The following KIF9 variants were observed in gnomAD, a reference collection of about 807,000 sequenced individuals.
KIF9 encodes the protein kinesin-like protein KIF9.
Under a neutral mutation model 94.8 loss-of-function variants are expected in KIF9, and 68 were observed. The ratio of observed to expected loss-of-function variants is 0.72; its 90% CI spans 0.59 to 0.88. The LOEUF (loss-of-function observed/expected upper bound fraction) is 0.88, where lower values mean the gene tolerates loss of function less well. KIF9 is among the 40% of genes least tolerant of loss of function. KIF9 has a pLI of 0.00. For missense variants in KIF9, 882 were observed against 982.5 expected (o/e 0.90, Z 1.37); for synonymous variants, 343 against 362.1 (o/e 0.95, Z 0.60).
At chr3:47,233,011 A>G (rs1698721717) in intron 20 of KIF9, among the ~76,000 whole-genome samples, 2 of 150,792 alleles carry the variant, frequency 1.3e-5, no homozygotes, top group African/African-American at 2.4e-5. Flanking sequence ...AACCATAAGG[A>G]AAGTCAAAAG....
Position 47,247,354 on chromosome 3 carries a change from T to A in KIF9, c.1233+19A>T. The A allele has an allele frequency of 6.4e-7, 1 of 1,568,374 alleles. No homozygotes were observed. Among genetic ancestry groups the A allele is most frequent in the Admixed American group, 1.7e-5 (1 of 59,860 alleles). ...GGCCCAGGCTGGCTGAGCATAGTGG[T>A]CACAGAGGGGTTCCTTACGTCGATC... On this transcript the variant is annotated intron_variant, in intron 12 of 20. Coordinates refer to ENST00000684063, the MANE Select transcript of KIF9 (RefSeq NM_182902.4).
chr3:47,260,109 C>T (rs1297254369), intron 9 of KIF9, among the ~76,000 whole-genome samples: 7 of 128,904 alleles, frequency 5.4e-5, no homozygotes, highest in Admixed American at 2.6e-4. Flanking sequence ...AGGGAAAAAC[C>T]GCCTTAGGGC....
In KIF9 at chr3:47,241,885, T is replaced by TATA. The variant is rs1491319975; in HGVS notation, c.1710-871_1710-870insTAT. ...ATACACATATATATATATATATATA[T>TATA]TTTTTTTTTTTTTTCTTTGGAGACA... On this transcript the variant is annotated intron_variant, in intron 16 of 20. Coordinates refer to ENST00000684063, the MANE Select transcript of KIF9 (RefSeq NM_182902.4). Among the ~76,000 whole-genome samples, 123 of 13,142 alleles carry TATA rather than the reference T, an allele frequency of 9.4e-3. 2 individuals carry two copies. Among genetic ancestry groups the TATA allele is most frequent in the Middle Eastern group, 0.17 (1 of 6 alleles). 8.6% of individuals were successfully genotyped at this position (13,142 alleles called of 152,430 possible). A position where few individuals can be genotyped will look rare whatever the true frequency, so the allele number is the denominator to read the frequency against.
chr3:47,268,906 C>T (rs1701458818), intron 5 of KIF9, among the ~76,000 whole-genome samples: 1 of 151,978 alleles, frequency 6.6e-6, no homozygotes, highest in Non-Finnish European at 1.5e-5. Context: ...CTCTTCAGTC[C>T]CCCTTCTGAA....
chr3:47,266,428 G>A (rs953204814), intron 7 of KIF9, among the ~76,000 whole-genome samples: 4 of 152,172 alleles, frequency 2.6e-5, no homozygotes, highest in Non-Finnish European at 4.4e-5. Flanking sequence ...AGGATCGCTT[G>A]AGCCCAGGAG....
chr3:47,255,468 C>A (rs1282394212), intron 10 of KIF9, among the ~76,000 whole-genome samples: 11 of 152,100 alleles, frequency 7.2e-5, no homozygotes, highest in Admixed American at 2.6e-4. Context: ...ACACTTTAGC[C>A]CTTAGCTCTA....
chr3:47,239,509 T>A (rs1699309704), intron 17 of KIF9: 3 of 1,039,826 alleles, frequency 2.9e-6, no homozygotes, highest in Non-Finnish European at 3.5e-6. Context: ...TAGCATGTCA[T>A]AATTGGTCTG....
intron 20 of KIF9, among the ~76,000 whole-genome samples, chr3:47,230,503 C>A (rs1312579616): frequency 3.3e-5 from 5 of 152,062 alleles, no homozygotes; most frequent in African/African-American, 1.2e-4. Context: ...GAGGTCGAGG[C>A]GGGTGGATCA....
intron 7 of KIF9, 64 bp downstream of exon 7, chr3:47,266,912 G>A: frequency 8.7e-7 from 1 of 1,149,158 alleles, no homozygotes; most frequent in Non-Finnish European, 1.3e-6. Flanking sequence ...CAGATGTGCA[G>A]GCACTGTGCC....
At chr3:47,241,057 G>T in intron 16 of KIF9, 42 bp from the exon 17 acceptor site, 1 of 1,575,838 alleles carries the variant, frequency 6.3e-7, no homozygotes, top group Non-Finnish European at 8.7e-7. Flanking sequence ...AAATGAGGTG[G>T]CTGCCTTGGA....
chr3:47,272,265 C>T (rs1701696857), intron 4 of KIF9, among the ~76,000 whole-genome samples: 1 of 152,180 alleles, frequency 6.6e-6, no homozygotes, highest in African/African-American at 2.4e-5. Context: ...GTCCTGCCTT[C>T]CTCTAAGAAT....
At chr3:47,278,452 C>A (rs908396317) in intron 1 of KIF9, among the ~76,000 whole-genome samples, 1 of 152,046 alleles carries the variant, frequency 6.6e-6, no homozygotes, top group African/African-American at 2.4e-5. Flanking sequence ...CTAGGCTAGC[C>A]TTTAACTTCT....
chr3:47,257,194 A>AT (rs1559448152), intron 10 of KIF9, among the ~76,000 whole-genome samples: 9 of 152,114 alleles, frequency 5.9e-5, no homozygotes, highest in African/African-American at 2.2e-4. Context: ...AAAAAAAAAA[A>AT]ATTTTTCTTC....
At chr3:47,248,243 C>A in intron 10 of KIF9, 157 bp from the exon 11 acceptor site, 1 of 642,068 alleles carries the variant, frequency 1.6e-6, no homozygotes, top group South Asian at 1.8e-5. Context: ...TGGTGATTCC[C>A]TCCCGACTGG....
At chr3:47,247,215 G>A (rs925322176) in intron 12 of KIF9, among the ~76,000 whole-genome samples, 158 bp downstream of exon 12, 3 of 152,178 alleles carry the variant, frequency 2.0e-5, no homozygotes, top group Admixed American at 1.3e-4. Flanking sequence ...CCCCTGAGAT[G>A]AGCTGAAGGG....
In KIF9 at chr3:47,277,350, C is replaced by A; in HGVS notation, c.25G>T (p.Ala9Ser). 6.2e-7 allele frequency: 1 copy of A among 1,613,718 alleles called. No individual in the cohort carries two copies. The highest frequency in any genetic ancestry group is 8.5e-7 in the Non-Finnish European group (1 of 1,179,786). Residue 9 changes from alanine to serine, a missense_variant, in exon 2 of 21, where the codon GCA becomes TCA. By Grantham distance (99) the Ala-to-Ser change is moderately conservative. Transcript: ENST00000684063. ...TCGGTGGGTTTGACACGGACAAATG[C>A]ATGAACTTTTTTCCTAGTACCCATT... Reference protein sequence around the residue: MGTRKKVHAFVRVKPTDDF... With the variant: MGTRKKVHSFVRVKPTDDF...
At chr3:47,245,793 A>C (rs978513386) in intron 13 of KIF9, 1 of 512,436 alleles carries the variant, frequency 2.0e-6, no homozygotes, top group African/African-American at 1.9e-5. Flanking sequence ...ACTTGGGACC[A>C]TGTGGGGTTC....
intron 5 of KIF9, among the ~76,000 whole-genome samples, chr3:47,270,987 A>G (rs1416746198): frequency 6.6e-6 from 1 of 151,378 alleles, no homozygotes; most frequent in African/African-American, 2.4e-5. Context: ...AAAAAAAAAA[A>G]AAAAAAATTA....
In KIF9 at chr3:47,275,466, C is replaced by CT. The variant is rs1277509972; in HGVS notation, c.117dup (p.Asp40ArgfsTer9). 6.2e-7 allele frequency: 1 copy of CT among 1,609,176 alleles called. No individual in the cohort carries two copies. The highest frequency in any genetic ancestry group is 1.1e-5 in the South Asian group (1 of 89,686). On this transcript the variant is annotated frameshift_variant, in exon 3 of 21. Transcript: ENST00000684063. LOFTEE classifies it high-confidence loss of function. ...TTATTGACAACTCCTCTCCGAATGT[C>CT]TTTTTTTAAGTGAATATCAATGCTC...
Sources: gnomAD v4.1 joint callset for allele counts (sites outside exome capture counted in the v4.1 genomes callset) on GRCh38, gnomAD v4.1.1 for gene constraint, MANE v1.5 for transcripts, NCBI Gene and HGNC (gene_info 2026-07-23, HGNC 2026-07-21) for gene names.